Variants in POTEE observed in about 807,000 individuals in gnomAD.
POTEE encodes ANKRD26-like family C member 1A.
A neutral mutation model predicts 74.2 loss-of-function variants in POTEE; 21 were observed. The ratio of observed to expected loss-of-function variants is 0.28; its 90% confidence interval spans 0.20 to 0.41. The LOEUF (loss-of-function observed/expected upper bound fraction) is 0.41. Ranked by LOEUF, POTEE falls within the 10% of genes least tolerant of loss-of-function variation. The pLI is 1.00. For missense variants in POTEE, 525 were observed against 1,158.6 expected (o/e 0.45, Z 7.94); for synonymous variants, 211 against 432.8 (o/e 0.49, Z 6.36).
intron 16 of POTEE, among the ~76,000 whole-genome samples, chr2:131,253,731 TCACA>T (rs1158020289): frequency 1.8e-4 from 20 of 112,318 alleles, no homozygotes; most frequent in Non-Finnish European, 1.4e-4. Context: ...AGTAGCATAT[TCACA>T]CACACATATA....
At chr2:131,229,360 C>A (rs1700877201) in intron 8 of POTEE, among the ~76,000 whole-genome samples, 1 of 151,494 alleles carries the variant, frequency 6.6e-6, no homozygotes, top group Non-Finnish European at 1.5e-5. Flanking sequence ...TAGAAAGTCC[C>A]ATATGAACCT....
At chr2:131,217,488 G>C (rs1700469351) in intron 2 of POTEE, among the ~76,000 whole-genome samples, 101 bp from the exon 3 acceptor site, 1 of 138,444 alleles carries the variant, frequency 7.2e-6, no homozygotes, top group Non-Finnish European at 1.6e-5. Context: ...GCACCGCCAG[G>C]AGTGTCCTGG....
Position 131,218,607 on chromosome 2 carries a change from T to C in POTEE, c.205T>C (p.Phe69Leu), listed in dbSNP as rs1236594891. Residue 69 changes from phenylalanine (F) to leucine (L), a missense_variant, in exon 4 of 18, where the codon TTC (phenylalanine) becomes CTC (leucine). Physicochemically the swap from Phe to Leu is conservative, Grantham distance 22. Transcript: ENST00000683005. ...GATGGGCAAGTGGTGCCACCACTGC[T>C]TCCCCTGCTGCAGGGGGAGTGGCAA... ...SKMGKWCHHC[F>L]PCCRGSGKSN... The C allele has an allele frequency of 6.2e-7, 1 of 1,611,808 alleles. No homozygotes were observed. The highest frequency in any genetic ancestry group is 1.4e-5 in the African/African-American group (1 of 74,068).
At position 131,217,620 on chromosome 2, in the gene POTEE, C is replaced by T. The variant is rs1700472649; in HGVS notation, c.-157C>T. 6.8e-6 allele frequency among the ~76,000 whole-genome samples: 1 copy of T among 147,324 alleles called. No homozygotes were observed. Among genetic ancestry groups the T allele is most frequent in the Non-Finnish European group, 1.5e-5 (1 of 66,520 alleles). On this transcript the variant is annotated 5_prime_UTR_variant, in exon 3 of 18. Coordinates refer to ENST00000683005, the MANE Select transcript of POTEE (RefSeq NM_001083538.3). ...CTCAGTGGCTTGAAAGCTCAGCTGA[C>T]TCCCACGAAGTTTGCCGGAACTCAA...
chr2:131,227,291 T>G (rs1287408841), intron 7 of POTEE, among the ~76,000 whole-genome samples: 3 of 149,746 alleles, frequency 2.0e-5, no homozygotes, highest in African/African-American at 7.6e-5. Context: ...AACCTGTGTC[T>G]TACATGCTTT....
At chr2:131,256,671 A>G (rs1701581129) in intron 16 of POTEE, among the ~76,000 whole-genome samples, 1 of 128,218 alleles carries the variant, frequency 7.8e-6, no homozygotes, top group Non-Finnish European at 1.6e-5. Context: ...TGTTTCCATT[A>G]CTTCAGCTCT....
intron 9 of POTEE, among the ~76,000 whole-genome samples, chr2:131,233,232 C>A (rs1332362206): frequency 6.6e-6 from 1 of 151,898 alleles, no homozygotes; most frequent in African/African-American, 2.4e-5. Flanking sequence ...CTGTAAATGG[C>A]CAGTTGGGCA....
intron 6 of POTEE, among the ~76,000 whole-genome samples, chr2:131,225,072 G>T (rs1415075478): frequency 6.6e-6 from 1 of 152,142 alleles, no homozygotes; most frequent in East Asian, 1.9e-4. Context: ...AATGAGAAAG[G>T]GAATTGGTCA....
At chr2:131,221,521 G>C (rs554394297) in intron 4 of POTEE, among the ~76,000 whole-genome samples, 1 of 152,148 alleles carries the variant, frequency 6.6e-6, no homozygotes, top group East Asian at 1.9e-4. Flanking sequence ...AAGTTCATTA[G>C]TAATGCAATA....
intron 16 of POTEE, among the ~76,000 whole-genome samples, chr2:131,260,190 C>T (rs1466149365): frequency 6.7e-6 from 1 of 149,348 alleles, no homozygotes; most frequent in African/African-American, 2.6e-5. Flanking sequence ...TGTTTTTATA[C>T]GAGTACCACG....
chr2:131,226,111 C>T (rs1222440508), intron 6 of POTEE, among the ~76,000 whole-genome samples: 7 of 152,092 alleles, frequency 4.6e-5, no homozygotes, highest in East Asian at 1.9e-4. Flanking sequence ...TGTCAATTGA[C>T]GCTGTATTAT....
At chr2:131,217,717 C>T (rs1267977757) in intron 3 of POTEE, among the ~76,000 whole-genome samples, 34 bp downstream of exon 3, 2 of 150,760 alleles carry the variant, frequency 1.3e-5, no homozygotes, top group African/African-American at 2.5e-5. Flanking sequence ...GTCTGTGCCA[C>T]GTGCCCTGAC....
Position 131,209,772 on chromosome 2 carries a change from C to T in POTEE, c.-392C>T, listed in dbSNP as rs1322680603. Among the ~76,000 whole-genome samples, 1,845 of 151,016 alleles carry T rather than the reference C, an allele frequency of 0.012. No individual in the cohort carries two copies. The highest frequency in any genetic ancestry group is 0.044 in the African/African-American group (1,755 of 40,342). On this transcript the variant is annotated 5_prime_UTR_variant, in exon 1 of 18. The change creates a new upstream start codon in the 5' untranslated region. Coordinates refer to ENST00000683005, the MANE Select transcript of POTEE (RefSeq NM_001083538.3). ...CTCGCCTTGCTGTGTTTGGTGGTGA[C>T]GTGGGACACTGCAGCTCGGCCAGAG...
intron 2 of POTEE, among the ~76,000 whole-genome samples, chr2:131,215,121 A>G (rs1252224419): frequency 1.3e-5 from 2 of 151,316 alleles, no homozygotes; most frequent in Non-Finnish European, 3.0e-5. Context: ...GTGTCACAAT[A>G]TATTTAGCAA....
chr2:131,256,627 G>C (rs1296194544), intron 16 of POTEE, among the ~76,000 whole-genome samples: 1 of 104,744 alleles, frequency 9.5e-6, no homozygotes, highest in African/African-American at 4.0e-5. Flanking sequence ...CCTGTGTCTG[G>C]AATGCTTTTT....
At position 131,219,228 on chromosome 2, in the gene POTEE, C is replaced by G. The variant is rs572715432; in HGVS notation, c.521+305C>G. 7.1e-4 allele frequency among the ~76,000 whole-genome samples: 107 copies of G among 151,298 alleles called. 1 individual carries two copies. Among genetic ancestry groups the G allele is most frequent in the African/African-American group, 2.4e-3 (98 of 40,754 alleles). On this transcript the variant is annotated intron_variant, in intron 4 of 17. Transcript: ENST00000683005. ...TATTTTTAATCTACAGATTTTAAAA[C>G]AATGTTCTATACATTATAGAAAAGT... is the stretch of plus-strand genomic sequence containing the variant.
intron 10 of POTEE, among the ~76,000 whole-genome samples, chr2:131,237,881 G>C (rs1401585734): frequency 6.6e-6 from 1 of 152,280 alleles, no homozygotes; most frequent in Non-Finnish European, 1.5e-5. Flanking sequence ...ATTAAGTTTA[G>C]TCCAAACAAA....
At position 131,209,611 on chromosome 2, in the gene POTEE, G is replaced by A. The variant is rs1297939245; in HGVS notation, c.-553G>A. On this transcript the variant is annotated 5_prime_UTR_variant, in exon 1 of 18. Coordinates refer to ENST00000683005, the MANE Select transcript of POTEE (RefSeq NM_001083538.3). ...GTTTCTGGCTGGAGCCTCGGACACT[G>A]GCTCACTGCAGTTGGTGGTGTCCAC... Among the ~76,000 whole-genome samples the A allele has an allele frequency of 2.0e-5, 3 of 152,212 alleles. No homozygotes were observed. The highest frequency in any genetic ancestry group is 7.2e-5 in the African/African-American group (3 of 41,446).
rs1438063697 is a variant in POTEE at position 131,211,197 on chromosome 2, C to T, written c.-189+14C>T. The stretch of plus-strand genomic sequence containing the variant: ...TCGACAGGAGTGGTAGGAGGGTGCC[C>T]GCGGGGGCAAGGTGGTAGGAACCTT... On this transcript the variant is annotated intron_variant, in intron 2 of 17. Transcript: ENST00000683005. 5.3e-5 allele frequency among the ~76,000 whole-genome samples: 8 copies of T among 151,996 alleles called. No individual in the cohort carries two copies. In the East Asian group the frequency reaches 5.8e-4, roughly 11 times the overall value.
Sources: gnomAD v4.1 joint callset for allele counts (sites outside exome capture counted in the v4.1 genomes callset) on GRCh38, gnomAD v4.1.1 for gene constraint, MANE v1.5 for transcripts, NCBI Gene and HGNC (gene_info 2026-07-23, HGNC 2026-07-21) for gene names.